Variants in ANGPT1 observed in about 807,000 individuals in gnomAD.
The protein encoded by ANGPT1 is angiopoietin 1.
ANGPT1 carries 17 observed loss-of-function variants against 62.2 expected under a neutral mutation model. That is an observed-to-expected ratio of 0.27 (90% CI 0.19 to 0.41). The LOEUF (loss-of-function observed/expected upper bound fraction) is 0.41. Ranked by LOEUF, ANGPT1 falls within the 10% of genes least tolerant of loss-of-function variation. ANGPT1 has a pLI of 1.00. For synonymous variants in ANGPT1, 199 were observed against 198.9 expected (o/e 1.00, Z 0.00); for missense variants, 478 against 594.9 (o/e 0.80, Z 2.04).
intron 1 of ANGPT1, among the ~76,000 whole-genome samples, chr8:107,432,957 A>G (rs1811233528): frequency 6.6e-6 from 1 of 152,156 alleles, no homozygotes; most frequent in African/African-American, 2.4e-5. Context: ...GCAATTTATA[A>G]TTTGTTCTTA....
At position 107,303,266 on chromosome 8, in the gene ANGPT1, T is replaced by C. The variant is rs1282789617; in HGVS notation, c.910A>G (p.Ile304Val). The C allele has an allele frequency of 2.5e-6, 4 of 1,608,992 alleles. No individual in the cohort carries two copies. In the East Asian group the frequency reaches 6.7e-5, roughly 27 times the overall value. The change falls in exon 5 of 9, where the codon ATT becomes GTT. Residue 304 changes from isoleucine (I) to valine (V), a missense_variant. Around this residue, in one of 4 missense-constraint regions of ANGPT1, gnomAD observed 343 missense variants for 355.4 expected, o/e 0.97. Coordinates refer to ENST00000517746, the MANE Select transcript of ANGPT1 (RefSeq NM_001146.5). Reference sequence around the variant, plus strand: ...TTTTTGGGTTCTGGCATATTATTAATATAAATAGTGTAGATTCCACTTTTA... The same window carrying C: ...TTTTTGGGTTCTGGCATATTATTAACATAAATAGTGTAGATTCCACTTTTA... ...FNKSGIYTIY[I>V]NNMPEPKKVF...
intron 1 of ANGPT1, among the ~76,000 whole-genome samples, chr8:107,348,240 A>G (rs566796278): frequency 6.6e-6 from 1 of 152,282 alleles, no homozygotes; most frequent in African/African-American, 2.4e-5. Flanking sequence ...ATTAACAGCT[A>G]TGTGATTTTT....
chr8:107,496,850 C>A (rs750198968), intron 1 of ANGPT1, among the ~76,000 whole-genome samples: 1 of 152,082 alleles, frequency 6.6e-6, no homozygotes, highest in African/African-American at 2.4e-5. Flanking sequence ...GCCACCCCAG[C>A]GGCACAAAAT....
At chr8:107,301,000 G>T (rs182304613) in intron 5 of ANGPT1, among the ~76,000 whole-genome samples, 422 of 151,978 alleles carry the variant, frequency 2.8e-3, no homozygotes, top group African/African-American at 9.8e-3. Flanking sequence ...AGGCGCAGTG[G>T]TTCTGCAAAT....
chr8:107,397,658 G>A (rs142154065), intron 1 of ANGPT1, among the ~76,000 whole-genome samples: 1 of 152,094 alleles, frequency 6.6e-6, no homozygotes, highest in Non-Finnish European at 1.5e-5. Context: ...GACCGGGGAA[G>A]GTGGTCAAAA....
intron 1 of ANGPT1, among the ~76,000 whole-genome samples, chr8:107,380,347 T>C (rs911198603): frequency 1.1e-4 from 12 of 113,230 alleles, no homozygotes; most frequent in African/African-American, 3.3e-4. Context: ...GCGTTTATCA[T>C]GTGCAGGATG....
intron 1 of ANGPT1, among the ~76,000 whole-genome samples, chr8:107,396,858 T>G (rs1419097188): frequency 6.6e-6 from 1 of 152,026 alleles, no homozygotes; most frequent in East Asian, 1.9e-4. Context: ...CAGCCAATAC[T>G]TACAGTTTTA....
chr8:107,395,825 A>G (rs996282686), intron 1 of ANGPT1, among the ~76,000 whole-genome samples: 10 of 152,180 alleles, frequency 6.6e-5, no homozygotes, highest in African/African-American at 2.2e-4. Context: ...AGAATTTCCA[A>G]GAAAAAGATA....
rs796908106 is a variant in ANGPT1 at position 107,487,393 on chromosome 8, G to T, written c.297+9869C>A. ...CTCTAACGTGCAGAATGAGCAAAGT[G>T]GGGGTTGAAAAAAGCAAACCATTTG... On this transcript the variant is annotated intron_variant, in intron 1 of 8. Transcript: ENST00000517746. 9.2e-5 allele frequency among the ~76,000 whole-genome samples: 14 copies of T among 151,998 alleles called. 1 individual carries two copies. Among genetic ancestry groups the T allele is most frequent in the African/African-American group, 3.4e-4 (14 of 41,464 alleles).
Position 107,251,351 on chromosome 8 carries a change from A to G in ANGPT1, c.*504T>C, listed in dbSNP as rs947060625. 1 of 153,872 alleles carries G rather than the reference A, an allele frequency of 6.5e-6. No homozygotes were observed. Among genetic ancestry groups the G allele is most frequent in the Non-Finnish European group, 1.5e-5 (1 of 68,818 alleles). 9.5% of individuals were successfully genotyped at this position (153,872 alleles called of 1,614,324 possible). On this transcript the variant is annotated 3_prime_UTR_variant, in exon 9 of 9. Coordinates refer to ENST00000517746, the MANE Select transcript of ANGPT1 (RefSeq NM_001146.5). ...CCAACTCAGAGGACAATGCTGTTCT[A>G]AATTTTTATCAAAATTGTGCAACAG...
At chr8:107,322,240 G>C (rs1815171626) in intron 3 of ANGPT1, 112 bp from the exon 4 acceptor site, 1 of 763,924 alleles carries the variant, frequency 1.3e-6, no homozygotes, top group Middle Eastern at 3.8e-4. Context: ...ACATTTCACT[G>C]TAAAAATATT....
chr8:107,392,328 T>A (rs1205589286), intron 1 of ANGPT1, among the ~76,000 whole-genome samples: 1 of 152,190 alleles, frequency 6.6e-6, no homozygotes, highest in Non-Finnish European at 1.5e-5. Context: ...TTAGAATATG[T>A]CTTTTCCCAT....
intron 1 of ANGPT1, among the ~76,000 whole-genome samples, chr8:107,439,069 A>G (rs1811405656): frequency 6.6e-6 from 1 of 152,208 alleles, no homozygotes; most frequent in African/African-American, 2.4e-5. Flanking sequence ...TTTTTATGCT[A>G]GTGAACATCA....
intron 1 of ANGPT1, among the ~76,000 whole-genome samples, chr8:107,371,129 G>T (rs1383839082): frequency 6.6e-6 from 1 of 152,174 alleles, no homozygotes; most frequent in African/African-American, 2.4e-5. Flanking sequence ...TCTCAATAGG[G>T]TTTTTATGTA....
chr8:107,410,298 A>T (rs1002058338), intron 1 of ANGPT1, among the ~76,000 whole-genome samples: 8 of 152,154 alleles, frequency 5.3e-5, no homozygotes, highest in Non-Finnish European at 1.2e-4. Context: ...CTCCCCAGCT[A>T]GTGTCCCACT....
chr8:107,390,841 T>G (rs1816820438), intron 1 of ANGPT1, among the ~76,000 whole-genome samples: 1 of 152,146 alleles, frequency 6.6e-6, no homozygotes, highest in Admixed American at 6.5e-5. Context: ...ACAGATCTAG[T>G]GAGAGGCCAG....
chr8:107,431,778 A>G (rs1411102981), intron 1 of ANGPT1, among the ~76,000 whole-genome samples: 1 of 152,162 alleles, frequency 6.6e-6, no homozygotes, highest in East Asian at 1.9e-4. Flanking sequence ...GCACTGAGGA[A>G]ACAGTTCAAG....
At chr8:107,297,407 A>G (rs902809705) in intron 5 of ANGPT1, among the ~76,000 whole-genome samples, 2 of 151,986 alleles carry the variant, frequency 1.3e-5, no homozygotes, top group Non-Finnish European at 2.9e-5. Flanking sequence ...GTTAATGCAT[A>G]TAGAATTTTT....
chr8:107,364,971 G>A (rs200290357), intron 1 of ANGPT1, among the ~76,000 whole-genome samples: 1 of 150,526 alleles, frequency 6.6e-6, no homozygotes, highest in Non-Finnish European at 1.5e-5. Flanking sequence ...GCAGAAGGGG[G>A]AAAAAAAAAG....
Sources: allele counts gnomAD v4.1 joint callset (sites outside exome capture counted in the v4.1 genomes callset), GRCh38; gene constraint gnomAD v4.1.1; regional missense constraint gnomAD v4.1.1; transcripts MANE v1.5; gene names NCBI Gene and HGNC (gene_info 2026-07-23, HGNC 2026-07-21).